The following LINGO2 variants were observed in gnomAD, a reference collection of about 807,000 sequenced individuals.
The protein encoded by LINGO2 is leucine-rich repeat and immunoglobulin-like domain-containing nogo receptor-interacting protein 2.
LINGO2 carries 14 observed loss-of-function variants against 30.6 expected under a neutral mutation model. The ratio of observed to expected loss-of-function variants is 0.46; its 90% CI spans 0.30 to 0.72. The LOEUF (loss-of-function observed/expected upper bound fraction) is 0.72. LINGO2 is among the 30% of genes least tolerant of loss of function. The probability of loss-of-function intolerance (pLI) is 0.07; values close to 1 mark genes in which losing one functional copy is unlikely to be tolerated. For missense variants in LINGO2, 729 were observed against 751.7 expected, an observed-to-expected ratio of 0.97 and a Z score of 0.35; for synonymous variants, 317 against 288.5, an observed-to-expected ratio of 1.10 and a Z score of -1.00.
rs1269530128 is a variant in LINGO2 at position 28,598,451 on chromosome 9, AC to A, written c.-365+71748del. On this transcript the variant is annotated intron_variant, in intron 1 of 5. Coordinates refer to ENST00000379992, the Ensembl canonical transcript of LINGO2. Reference sequence around the variant, plus strand: ...AAAAAAAAACAAAACAAACAAACAAACAAAAAAAACGCCAAATAATGATCTG... The same window carrying A: ...AAAAAAAAACAAAACAAACAAACAAAAAAAAAAACGCCAAATAATGATCTG... 3.4e-5 allele frequency among the ~76,000 whole-genome samples: 5 copies of A among 145,742 alleles called. No individual in the cohort carries two copies. The South Asian group carries it at 8.6e-4, about 25-fold the overall frequency.
the LINGO2 span, among the ~76,000 whole-genome samples, chr9:28,913,552 T>G: frequency 6.6e-6 from 1 of 152,112 alleles, no homozygotes; most frequent in Non-Finnish European, 1.5e-5. Context: ...ACTTAAAATC[T>G]CCAATGTATA....
intron 2 of LINGO2, among the ~76,000 whole-genome samples, chr9:28,382,033 C>CTACT (rs1821377862): frequency 6.6e-6 from 1 of 152,076 alleles, no homozygotes; most frequent in South Asian, 2.1e-4. Flanking sequence ...CCCAGCACTA[C>CTACT]TACTTATTAA....
the LINGO2 span, among the ~76,000 whole-genome samples, chr9:29,030,044 A>C: frequency 6.6e-6 from 1 of 152,062 alleles, no homozygotes; most frequent in Non-Finnish European, 1.5e-5. Flanking sequence ...AAAAAGCTTA[A>C]ATGTGTTATC....
At chr9:28,010,676 C>T (rs1327364490) in intron 5 of LINGO2, among the ~76,000 whole-genome samples, 1 of 152,182 alleles carries the variant, frequency 6.6e-6, no homozygotes, top group Non-Finnish European at 1.5e-5. Flanking sequence ...AGGCTGGACA[C>T]AGTGGCTGGC....
intron 3 of LINGO2, among the ~76,000 whole-genome samples, chr9:28,344,155 T>A (rs1247408170): frequency 1.3e-5 from 2 of 151,958 alleles, no homozygotes; most frequent in East Asian, 3.9e-4. Flanking sequence ...ACAAAAAAAA[T>A]GACAGAAGAG....
chr9:28,725,961 C>T, the LINGO2 span, among the ~76,000 whole-genome samples: 1 of 151,972 alleles, frequency 6.6e-6, no homozygotes, highest in Non-Finnish European at 1.5e-5. Flanking sequence ...AAGGTTAAAT[C>T]CAATGTAATA....
chr9:27,949,699 C>G lies in LINGO2; in HGVS notation c.973G>C (p.Val325Leu), dbSNP rs144743055. 4.8e-4 allele frequency: 770 copies of G among 1,614,098 alleles called. 7 individuals are homozygous for G. The African/African-American group carries it at 8.8e-3, about 19-fold the overall frequency. The change falls in exon 6 of 6, where the codon GTG (valine) becomes CTG (leucine). Residue 325 changes from valine (V) to leucine (L), a missense_variant. Val to Leu is a conservative substitution (Grantham distance 32). Coordinates refer to ENST00000379992, the Ensembl canonical transcript of LINGO2. ...AGCAGGTTCTGAGACACATTGAGCA[C>G]GCGTAGGAAGCGGAGCCCTTGGAAG...
chr9:28,124,451 C>G lies in LINGO2; in HGVS notation c.-86-112046G>C, dbSNP rs1413817735. On this transcript the variant is annotated intron_variant, in intron 4 of 5. Coordinates refer to ENST00000379992, the Ensembl canonical transcript of LINGO2. ...AAGAAAGGAAGTTTTCCCTCAATCA[C>G]AGACATATCACATTTATAATGATGC... is the stretch of plus-strand genomic sequence containing the variant. Among the ~76,000 whole-genome samples the G allele has an allele frequency of 2.0e-5, 3 of 152,286 alleles. No individual in the cohort carries two copies. In the South Asian group the frequency reaches 6.2e-4, roughly 32 times the overall value.
At chr9:28,406,161 G>C (rs903416021) in intron 2 of LINGO2, among the ~76,000 whole-genome samples, 1 of 152,092 alleles carries the variant, frequency 6.6e-6, no homozygotes, top group South Asian at 2.1e-4. Context: ...ATGTGCGGCT[G>C]GGTGCGGTGG....
chr9:29,039,313 G>A, the LINGO2 span, among the ~76,000 whole-genome samples: 1 of 152,086 alleles, frequency 6.6e-6, no homozygotes, highest in African/African-American at 2.4e-5. Context: ...TATAGTCTTT[G>A]TATATATGCA....
At chr9:28,694,026 G>A in the LINGO2 span, among the ~76,000 whole-genome samples, 952 of 151,710 alleles carry the variant, frequency 6.3e-3, 13 homozygotes, top group African/African-American at 0.022. Context: ...TCAGCTGGTA[G>A]TTAGTGAAAA....
At chr9:28,245,470 A>G (rs529952601) in intron 4 of LINGO2, among the ~76,000 whole-genome samples, 4 of 152,280 alleles carry the variant, frequency 2.6e-5, no homozygotes, top group Admixed American at 6.5e-5. Context: ...AGGCAAGAGA[A>G]ATAAAAAAAG....
chr9:28,706,819 T>A, the LINGO2 span, among the ~76,000 whole-genome samples: 1 of 152,040 alleles, frequency 6.6e-6, no homozygotes, highest in Non-Finnish European at 1.5e-5. Flanking sequence ...AATCTTTAGG[T>A]TCTCAAACTA....
the LINGO2 span, among the ~76,000 whole-genome samples, chr9:29,147,991 ATACT>A: frequency 6.6e-6 from 1 of 152,120 alleles, no homozygotes; most frequent in Non-Finnish European, 1.5e-5. Flanking sequence ...TTTTACAAAA[ATACT>A]TATTTAATCT....
At chr9:28,458,775 C>T (rs1221469810) in intron 2 of LINGO2, among the ~76,000 whole-genome samples, 1 of 152,126 alleles carries the variant, frequency 6.6e-6, no homozygotes, top group African/African-American at 2.4e-5. Flanking sequence ...GATCAACTAA[C>T]TGCCCACTCT....
the LINGO2 span, among the ~76,000 whole-genome samples, chr9:28,690,553 A>C: frequency 6.6e-6 from 1 of 152,200 alleles, no homozygotes; most frequent in African/African-American, 2.4e-5. Flanking sequence ...GTCATTTTCT[A>C]GAAAACTCTA....
intron 4 of LINGO2, among the ~76,000 whole-genome samples, chr9:28,209,926 A>G (rs1820533136): frequency 6.6e-6 from 1 of 151,868 alleles, no homozygotes; most frequent in African/African-American, 2.4e-5. Flanking sequence ...TCACTGAAAA[A>G]TAAAAAATTC....
At chr9:28,014,699 T>C (rs1443666653) in intron 4 of LINGO2, among the ~76,000 whole-genome samples, 1 of 152,174 alleles carries the variant, frequency 6.6e-6, no homozygotes, top group African/African-American at 2.4e-5. Context: ...GACATATTCC[T>C]AGAAGTTGAG....
chr9:28,275,772 C>T (rs569095925), intron 4 of LINGO2, among the ~76,000 whole-genome samples: 4 of 152,226 alleles, frequency 2.6e-5, no homozygotes, highest in East Asian at 1.9e-4. Context: ...AGTTAGAGAT[C>T]GACCTTTAAT....
Sources: gnomAD v4.1 joint callset for allele counts (sites outside exome capture counted in the v4.1 genomes callset) on GRCh38, gnomAD v4.1.1 for gene constraint, MANE v1.5 for transcripts, NCBI Gene and HGNC (gene_info 2026-07-23, HGNC 2026-07-21) for gene names.